The following PITPNA variants were observed in gnomAD, a reference collection of about 807,000 sequenced individuals.
PITPNA encodes the protein phosphatidylinositol transfer protein alpha isoform.
A neutral mutation model predicts 50.3 loss-of-function variants in PITPNA; 13 were observed. The observed-to-expected ratio is 0.26, with a 90% CI of 0.17 to 0.41. PITPNA has a LOEUF of 0.41. Among genes scored for constraint, PITPNA ranks in the 10% least tolerant of loss-of-function variants. The pLI is 1.00. For synonymous variants in PITPNA, 120 were observed against 119.6 expected, an observed-to-expected ratio of 1.00 and a Z score of -0.02; for missense variants, 207 against 333.4, an observed-to-expected ratio of 0.62 and a Z score of 2.95.
intron 10 of PITPNA, among the ~76,000 whole-genome samples, chr17:1,529,416 G>T (rs1313812958): frequency 6.6e-6 from 1 of 151,950 alleles, no homozygotes; most frequent in East Asian, 1.9e-4. Flanking sequence ...CAGCTACTTG[G>T]GAGGCTGAGG....
rs561334382 is a variant in PITPNA, at chr17:1,549,942, G to A, written c.198-1555C>T. 5.3e-5 allele frequency among the ~76,000 whole-genome samples: 8 copies of A among 151,722 alleles called. No individual in the cohort carries two copies. The South Asian group carries it at 1.5e-3, about 28-fold the overall frequency. ...TGCCTGCCTCAGCCTCCTAAAGTGC[G>A]GGGATTACAGGCGTGAGCCACCGCG... On this transcript the variant is annotated intron_variant, in intron 3 of 11. Transcript: ENST00000313486.
rs184647626 is a variant in PITPNA at position 1,558,829 on chromosome 17, T to C, written c.21-270A>G. ...TCTTAGTGCTCTGAGGACAGGACCCTCTGTACCTTGAGGCATCCCAGTTAG... is the reference window on the plus strand; with the variant it reads ...TCTTAGTGCTCTGAGGACAGGACCCCCTGTACCTTGAGGCATCCCAGTTAG... On this transcript the variant is annotated intron_variant, in intron 1 of 11. Coordinates refer to ENST00000313486, the MANE Select transcript of PITPNA (RefSeq NM_006224.4). Among the ~76,000 whole-genome samples, 714 of 119,180 alleles carry C rather than the reference T, an allele frequency of 6.0e-3. 5 individuals carry two copies. Among genetic ancestry groups the C allele is most frequent in the Middle Eastern group, 0.019 (3 of 160 alleles). The allele number at this position is 119,180 out of a possible 152,430, so 78.2% of individuals were successfully genotyped here.
chr17:1,555,586 GAACTAAGACATTC>G (rs749135418), intron 2 of PITPNA, among the ~76,000 whole-genome samples: 77 of 152,172 alleles, frequency 5.1e-4, no homozygotes, highest in Non-Finnish European at 9.3e-4. Flanking sequence ...CTATCCCAGA[GAACTAAGACATTC>G]AACTAAGAAA....
chr17:1,559,181 G>A (rs1177893617), intron 1 of PITPNA, among the ~76,000 whole-genome samples: 4 of 152,130 alleles, frequency 2.6e-5, no homozygotes, highest in Non-Finnish European at 5.9e-5. Flanking sequence ...GCTCGGGGCT[G>A]GATATTACAA....
intron 10 of PITPNA, among the ~76,000 whole-genome samples, chr17:1,532,783 G>A (rs924797215): frequency 6.6e-6 from 1 of 152,168 alleles, no homozygotes; most frequent in Non-Finnish European, 1.5e-5. Context: ...CTTAGCGAAA[G>A]AATCAGGGAC....
chr17:1,548,021 G>A (rs113524104), intron 4 of PITPNA, among the ~76,000 whole-genome samples: 2,630 of 152,176 alleles, frequency 0.017, 76 homozygotes, highest in African/African-American at 0.061. Flanking sequence ...AAATAAAAAT[G>A]ACTAGAAAAA....
In PITPNA at chr17:1,548,335, G is replaced by A. The variant is rs1405308814; in HGVS notation, c.250C>T (p.His84Tyr). Residue 84 changes from histidine (H) to tyrosine (Y), a missense_variant, in exon 4 of 12, where the codon CAC becomes TAC. By Grantham distance (83) the His-to-Tyr change is moderately conservative. Coordinates refer to ENST00000313486, the MANE Select transcript of PITPNA (RefSeq NM_006224.4). ...MLAPEGALNI[H>Y]EKAWNAYPYC... ...GGGTAAGCATTCCAGGCTTTCTCGT[G>A]TATATTCAGGGCTCCCTCTGGGGCC... 1 of 1,608,936 alleles carries A rather than the reference G, an allele frequency of 6.2e-7. No individual in the cohort carries two copies. The highest frequency in any genetic ancestry group is 1.3e-5 in the African/African-American group (1 of 74,652).
At chr17:1,554,075 G>A (rs980060945) in intron 2 of PITPNA, among the ~76,000 whole-genome samples, 2 of 152,192 alleles carry the variant, frequency 1.3e-5, no homozygotes, top group Non-Finnish European at 2.9e-5. Flanking sequence ...ACCCTGTCAG[G>A]ATGGGCCAAT....
At chr17:1,547,557 C>A (rs765716726) in intron 4 of PITPNA, among the ~76,000 whole-genome samples, 3 of 151,342 alleles carry the variant, frequency 2.0e-5, no homozygotes, top group African/African-American at 7.3e-5. Flanking sequence ...GGCTGGGGCA[C>A]GAGAATCGCT....
chr17:1,541,552 G>T lies in PITPNA; in HGVS notation c.372+14C>A. 6.3e-7 allele frequency: 1 copy of T among 1,599,010 alleles called. No individual in the cohort carries two copies. The highest frequency in any genetic ancestry group is 1.1e-5 in the South Asian group (1 of 90,758). ...AAGACCTCACCCCTGGGGCTTTTGG[G>T]AACTACTACTCACATTCTCCTGCGT... is the stretch of plus-strand genomic sequence containing the variant. On this transcript the variant is annotated intron_variant, in intron 6 of 11. Coordinates refer to ENST00000313486, the MANE Select transcript of PITPNA (RefSeq NM_006224.4).
chr17:1,556,792 C>A (rs914904556), intron 2 of PITPNA, among the ~76,000 whole-genome samples: 2 of 152,034 alleles, frequency 1.3e-5, no homozygotes, highest in Non-Finnish European at 2.9e-5. Flanking sequence ...GGAAAATCAT[C>A]GCTTGCTATT....
intron 7 of PITPNA, among the ~76,000 whole-genome samples, chr17:1,537,353 G>A (rs542707342): frequency 1.8e-4 from 27 of 151,928 alleles, no homozygotes; most frequent in African/African-American, 1.2e-4. Flanking sequence ...GTGAGCCACC[G>A]CACCTGGCCC....
At chr17:1,521,513 T>TG (rs2075512387) in intron 11 of PITPNA, 66 bp downstream of exon 11, 2 of 1,070,698 alleles carry the variant, frequency 1.9e-6, no homozygotes, top group Admixed American at 3.4e-5. Flanking sequence ...AGTGAGCTGC[T>TG]GAGGCCTTGA....
chr17:1,540,315 T>C (rs151189939), intron 6 of PITPNA, among the ~76,000 whole-genome samples: 4 of 152,176 alleles, frequency 2.6e-5, no homozygotes, highest in African/African-American at 9.7e-5. Flanking sequence ...GGATACAATA[T>C]AGAGTAACTA....
At chr17:1,555,452 G>A (rs769631212) in intron 2 of PITPNA, among the ~76,000 whole-genome samples, 3 of 152,180 alleles carry the variant, frequency 2.0e-5, no homozygotes, top group Non-Finnish European at 4.4e-5. Flanking sequence ...GCCAGACTCG[G>A]ATGGGGCAGA....
intron 7 of PITPNA, among the ~76,000 whole-genome samples, chr17:1,536,392 A>G (rs554307101): frequency 6.8e-6 from 1 of 147,964 alleles, no homozygotes; most frequent in South Asian, 2.1e-4. Context: ...AGTTCACGCC[A>G]TTCTCCTGCC....
intron 5 of PITPNA, among the ~76,000 whole-genome samples, chr17:1,542,496 C>T (rs2075652855): frequency 6.6e-6 from 1 of 152,176 alleles, no homozygotes; most frequent in Admixed American, 6.5e-5. Flanking sequence ...CACATTCACC[C>T]ATTAACGCCT....
rs527929184 is a variant in PITPNA at position 1,546,235 on chromosome 17, T to G, written c.289+2061A>C. ...TGAGCCACCGTGCCCGACCCTGTCT[T>G]TTAAGAACATCTGTGCATCCCTCAT... On this transcript the variant is annotated intron_variant, in intron 4 of 11. Coordinates refer to ENST00000313486, the MANE Select transcript of PITPNA (RefSeq NM_006224.4). Among the ~76,000 whole-genome samples, 238 of 152,204 alleles carry G rather than the reference T, an allele frequency of 1.6e-3. 1 individual carries two copies. Among genetic ancestry groups the G allele is most frequent in the African/African-American group, 5.5e-3 (228 of 41,538 alleles).
At chr17:1,561,025 T>C (rs1175888803) in intron 1 of PITPNA, among the ~76,000 whole-genome samples, 2 of 152,204 alleles carry the variant, frequency 1.3e-5, no homozygotes, top group African/African-American at 4.8e-5. Flanking sequence ...CACACCTGCC[T>C]GGCTGCCTCA....
Sources: gnomAD v4.1 joint callset for allele counts (sites outside exome capture counted in the v4.1 genomes callset) on GRCh38, gnomAD v4.1.1 for gene constraint, MANE v1.5 for transcripts, NCBI Gene and HGNC (gene_info 2026-07-23, HGNC 2026-07-21) for gene names.